CACNA2D3: variants seen among roughly 807,000 people sequenced by gnomAD.
The protein encoded by CACNA2D3 is voltage-dependent calcium channel subunit alpha-2/delta-3.
A neutral mutation model predicts 160.6 loss-of-function variants in CACNA2D3; 60 were observed. The ratio of observed to expected loss-of-function variants is 0.37; its 90% CI spans 0.30 to 0.46. CACNA2D3 has a LOEUF of 0.46. CACNA2D3 is among the 20% of genes least tolerant of loss of function. The probability of loss-of-function intolerance (pLI) is 1.00; values close to 1 mark genes in which losing one functional copy is unlikely to be tolerated. For missense variants in CACNA2D3, 1,205 were observed against 1,365.0 expected, an observed-to-expected ratio of 0.88 and a Z score of 1.85; for synonymous variants, 558 against 492.9, an observed-to-expected ratio of 1.13 and a Z score of -1.75.
intron 4 of CACNA2D3, among the ~76,000 whole-genome samples, chr3:54,433,342 T>C (rs1029049860): frequency 3.3e-5 from 5 of 152,200 alleles, no homozygotes; most frequent in Non-Finnish European, 5.9e-5. Flanking sequence ...TAAATAGACA[T>C]TTGATAAATA....
At chr3:55,064,779 G>T (rs1439242478) in intron 35 of CACNA2D3, among the ~76,000 whole-genome samples, 1 of 152,108 alleles carries the variant, frequency 6.6e-6, no homozygotes, top group Non-Finnish European at 1.5e-5. Flanking sequence ...TCAAACCAGA[G>T]CATGGCAATG....
intron 11 of CACNA2D3, among the ~76,000 whole-genome samples, chr3:54,737,846 G>C (rs1291207306): frequency 6.6e-6 from 1 of 152,120 alleles, no homozygotes; most frequent in African/African-American, 2.4e-5. Flanking sequence ...TTGTACTTTT[G>C]TTAGAGACGG....
At chr3:54,994,299 G>A (rs996716101) in intron 31 of CACNA2D3, among the ~76,000 whole-genome samples, 4 of 152,100 alleles carry the variant, frequency 2.6e-5, no homozygotes, top group African/African-American at 9.7e-5. Flanking sequence ...ATTCTGTTAT[G>A]TTTGGATGGC....
At chr3:54,306,934 C>T (rs1165511516) in intron 2 of CACNA2D3, among the ~76,000 whole-genome samples, 1 of 152,136 alleles carries the variant, frequency 6.6e-6, no homozygotes, top group Non-Finnish European at 1.5e-5. Context: ...TCTGGCTTCT[C>T]ATCACAAACA....
intron 11 of CACNA2D3, among the ~76,000 whole-genome samples, chr3:54,666,769 G>A (rs1559543793): frequency 1.3e-5 from 2 of 152,200 alleles, no homozygotes; most frequent in African/African-American, 4.8e-5. Flanking sequence ...GTCTTATTTT[G>A]TGACATGTGA....
intron 5 of CACNA2D3, among the ~76,000 whole-genome samples, chr3:54,517,582 G>T (rs1575499376): frequency 2.0e-5 from 3 of 152,326 alleles, no homozygotes; most frequent in East Asian, 1.9e-4. Flanking sequence ...TATCACCCAG[G>T]TGTAGAGCTG....
At chr3:54,445,671 T>C (rs186332501) in intron 4 of CACNA2D3, among the ~76,000 whole-genome samples, 94 of 151,682 alleles carry the variant, frequency 6.2e-4, no homozygotes, top group Non-Finnish European at 1.0e-3. Flanking sequence ...TAGGGAGTGT[T>C]GGAGACTTCC....
At chr3:54,897,821 C>T (rs1700226917) in intron 26 of CACNA2D3, among the ~76,000 whole-genome samples, 1 of 152,202 alleles carries the variant, frequency 6.6e-6, no homozygotes, top group African/African-American at 2.4e-5. Context: ...AAAGAGTGCT[C>T]TTACAATTGG....
intron 11 of CACNA2D3, among the ~76,000 whole-genome samples, chr3:54,657,061 GGTT>G (rs1428099442): frequency 9.3e-5 from 14 of 151,234 alleles, no homozygotes; most frequent in Non-Finnish European, 1.5e-4. Context: ...GAAAAAGGGG[GGTT>G]GTTCTCTGGC....
chr3:54,390,034 A>T (rs1323647412), intron 4 of CACNA2D3, among the ~76,000 whole-genome samples: 1 of 152,144 alleles, frequency 6.6e-6, no homozygotes, highest in Non-Finnish European at 1.5e-5. Flanking sequence ...AGAGAGTGAG[A>T]AACATTATTG....
At chr3:54,885,611 T>C in intron 23 of CACNA2D3, 25 bp downstream of exon 23, 4 of 1,575,000 alleles carry the variant, frequency 2.5e-6, no homozygotes, top group Non-Finnish European at 3.5e-6. Flanking sequence ...AAAAGTGTGC[T>C]GTGCCTTCAG....
Position 54,122,834 on chromosome 3 carries a change from G to T in CACNA2D3, c.121G>T (p.Val41Leu). ...VRSEQQIPLS[V>L]VKLWASAFGG... ...CTCGGAGCAGCAGATACCGCTCTCC[G>T]TGTAAGTGCCGGCTCCTGCGCCGCC... Residue 41 changes from valine to leucine, a missense_variant and splice_region_variant, in exon 1 of 38, where the codon GTG becomes TTG. Physicochemically the swap from Val to Leu is conservative, Grantham distance 32 (BLOSUM62 1). Around this residue, in one of 3 missense-constraint regions of CACNA2D3, gnomAD observed 163 missense variants for 161.3 expected, o/e 1.01. Coordinates refer to ENST00000474759, the MANE Select transcript of CACNA2D3 (RefSeq NM_018398.3). 1 of 1,230,744 alleles carries T rather than the reference G, an allele frequency of 8.1e-7. No homozygotes were observed. The highest frequency in any genetic ancestry group is 1.0e-6 in the Non-Finnish European group (1 of 981,610). 76.2% of individuals were successfully genotyped at this position (1,230,744 alleles called of 1,614,324 possible).
intron 10 of CACNA2D3, among the ~76,000 whole-genome samples, chr3:54,635,157 G>T (rs978049403): frequency 2.6e-5 from 4 of 151,860 alleles, no homozygotes; most frequent in Non-Finnish European, 5.9e-5. Context: ...AACATTTGTT[G>T]TATAGAATGA....
At chr3:54,818,738 A>G (rs959939640) in intron 14 of CACNA2D3, among the ~76,000 whole-genome samples, 15 of 152,192 alleles carry the variant, frequency 9.9e-5, no homozygotes, top group Non-Finnish European at 1.3e-4. Context: ...GACTTGTTCT[A>G]TAGCCCTATG....
chr3:54,845,172 C>T (rs968965847), intron 16 of CACNA2D3, among the ~76,000 whole-genome samples: 5 of 152,108 alleles, frequency 3.3e-5, no homozygotes, highest in East Asian at 1.9e-4. Context: ...CCAGGGAAGA[C>T]GTCTGTTGCC....
intron 2 of CACNA2D3, among the ~76,000 whole-genome samples, chr3:54,136,819 C>G (rs558939046): frequency 6.6e-6 from 1 of 152,250 alleles, no homozygotes; most frequent in South Asian, 2.1e-4. Context: ...GAGACCCTGG[C>G]CCAGTAAGCT....
intron 2 of CACNA2D3, among the ~76,000 whole-genome samples, chr3:54,249,698 C>CACACACACACACA (rs1559895839): frequency 6.7e-6 from 1 of 149,730 alleles, no homozygotes. Context: ...CACACACACA[C>CACACACACACACA]CCCTCATCCT....
chr3:54,201,286 A>G (rs1056602857), intron 2 of CACNA2D3, among the ~76,000 whole-genome samples: 1 of 152,252 alleles, frequency 6.6e-6, no homozygotes. Flanking sequence ...TTAGCATTAT[A>G]TATACTTCGA....
chr3:54,462,746 CT>C (rs1395005689), intron 4 of CACNA2D3, among the ~76,000 whole-genome samples: 1 of 152,140 alleles, frequency 6.6e-6, no homozygotes, highest in Admixed American at 6.5e-5. Flanking sequence ...CAGTCTGTGT[CT>C]TTTAATTGGA....
Sources: gnomAD v4.1 joint callset for allele counts (sites outside exome capture counted in the v4.1 genomes callset) on GRCh38, gnomAD v4.1.1 for gene constraint, gnomAD v4.1.1 regional missense constraint, MANE v1.5 for transcripts, NCBI Gene and HGNC (gene_info 2026-07-23, HGNC 2026-07-21) for gene names.